Variants in EHHADH observed in about 807,000 individuals in gnomAD.
EHHADH encodes peroxisomal bifunctional enzyme.
Under a neutral mutation model 64.4 loss-of-function variants are expected in EHHADH, and 48 were observed. That is an observed-to-expected ratio of 0.75 (90% CI 0.59 to 0.95). EHHADH has a LOEUF of 0.95. Among genes scored for constraint, EHHADH ranks in the 40% least tolerant of loss-of-function variants. The pLI is 0.00. For synonymous variants in EHHADH, 308 were observed against 326.7 expected (o/e 0.94, Z 0.62); for missense variants, 854 against 876.6 (o/e 0.97, Z 0.33).
chr3:185,227,824 C>A (rs1051966074), intron 4 of EHHADH, among the ~76,000 whole-genome samples: 5 of 151,976 alleles, frequency 3.3e-5, no homozygotes, highest in Non-Finnish European at 7.4e-5. Context: ...AAAACTCCAT[C>A]TCAAGAAAGA....
Position 185,192,199 on chromosome 3 carries a change from A to G in EHHADH, c.*27T>C, listed in dbSNP as rs184173351. ...TCAGTCAGCATTACCTGATGCTAGC[A>G]TGTGAGGCATAATCTGGAAGACTGA... On this transcript the variant is annotated 3_prime_UTR_variant, in exon 7 of 7. Coordinates refer to ENST00000231887, the MANE Select transcript of EHHADH (RefSeq NM_001966.4). 2.5e-6 allele frequency: 4 copies of G among 1,591,556 alleles called. No homozygotes were observed. The East Asian group carries it at 6.7e-5, about 27-fold the overall frequency.
chr3:185,207,036 C>T (rs191457356), intron 5 of EHHADH, among the ~76,000 whole-genome samples: 2 of 152,174 alleles, frequency 1.3e-5, no homozygotes, highest in Middle Eastern at 3.4e-3. Flanking sequence ...GCCTGTAATT[C>T]CAGTACTCTG....
At chr3:185,196,274 C>T (rs141737351) in intron 6 of EHHADH, among the ~76,000 whole-genome samples, 401 of 152,108 alleles carry the variant, frequency 2.6e-3, no homozygotes, top group Admixed American at 4.3e-3. Flanking sequence ...TGCATTTATA[C>T]AATAAAAATA....
intron 6 of EHHADH, among the ~76,000 whole-genome samples, chr3:185,201,475 C>T (rs1047768363): frequency 3.3e-5 from 5 of 152,152 alleles, no homozygotes; most frequent in African/African-American, 7.2e-5. Context: ...GTGGGAGAAG[C>T]GGCAGCATTC....
intron 4 of EHHADH, among the ~76,000 whole-genome samples, chr3:185,227,874 T>C (rs1272598171): frequency 1.3e-5 from 2 of 151,924 alleles, no homozygotes; most frequent in East Asian, 3.9e-4. Context: ...CTAACAATTA[T>C]GGAGTGATCA....
chr3:185,248,613 C>T (rs1361655425), intron 1 of EHHADH, 96 bp from the exon 2 acceptor site: 4 of 807,302 alleles, frequency 5.0e-6, no homozygotes, highest in Non-Finnish European at 8.0e-6. Context: ...ATTAAACACA[C>T]ACATAATGGA....
At chr3:185,224,460 C>T (rs1352015752) in intron 4 of EHHADH, among the ~76,000 whole-genome samples, 1 of 138,848 alleles carries the variant, frequency 7.2e-6, no homozygotes, top group Non-Finnish European at 1.5e-5. Context: ...GAGATCGTGC[C>T]ACTGTACTCC....
intron 3 of EHHADH, among the ~76,000 whole-genome samples, chr3:185,232,140 A>T (rs1270344185): frequency 6.6e-6 from 1 of 152,166 alleles, no homozygotes; most frequent in East Asian, 1.9e-4. Context: ...ACTGCCATTT[A>T]CCCAGATCGT....
intron 3 of EHHADH, among the ~76,000 whole-genome samples, chr3:185,233,069 T>C (rs546904992): frequency 3.2e-4 from 49 of 152,336 alleles, no homozygotes; most frequent in African/African-American, 8.2e-4. Flanking sequence ...TGGGTAAATA[T>C]AAAAGACAGT....
intron 4 of EHHADH, among the ~76,000 whole-genome samples, chr3:185,225,256 C>A (rs1253409884): frequency 2.0e-5 from 3 of 152,122 alleles, no homozygotes; most frequent in African/African-American, 7.2e-5. Context: ...TCTTGTGATA[C>A]TTCCATAAAA....
In EHHADH at chr3:185,213,119, C is replaced by CAAAAAAAAAAAAAAAAAAAAAAAAA. The variant is rs550233979; in HGVS notation, c.568+4992_568+5016dup. ...TGGGTGAAGAAGCAAGACTCTGTCT[C>CAAAAAAAAAAAAAAAAAAAAAAAAA]AAAAAAAAAAAAAAAAAAAAAAAAA... is the stretch of plus-strand genomic sequence containing the variant. On this transcript the variant is annotated intron_variant, in intron 5 of 6. Transcript: ENST00000231887. 2.8e-4 allele frequency among the ~76,000 whole-genome samples: 12 copies of CAAAAAAAAAAAAAAAAAAAAAAAAA among 43,056 alleles called. 2 individuals carry two copies. The highest frequency in any genetic ancestry group is 4.8e-4 in the African/African-American group (6 of 12,482). The allele number at this position is 43,056 out of a possible 152,430, so 28.2% of individuals were successfully genotyped here.
chr3:185,197,650 T>C (rs920539352), intron 6 of EHHADH, among the ~76,000 whole-genome samples: 1 of 152,258 alleles, frequency 6.6e-6, no homozygotes, highest in Non-Finnish European at 1.5e-5. Context: ...GGCTGAATAA[T>C]ATTCCATTGT....
intron 6 of EHHADH, among the ~76,000 whole-genome samples, chr3:185,195,647 G>T (rs982710068): frequency 1.3e-5 from 2 of 152,178 alleles, no homozygotes; most frequent in African/African-American, 4.8e-5. Context: ...GCAGCTGGAG[G>T]CCATTATCCT....
intron 5 of EHHADH, among the ~76,000 whole-genome samples, chr3:185,217,017 C>T (rs564605465): frequency 5.5e-5 from 3 of 54,474 alleles, no homozygotes; most frequent in East Asian, 2.6e-4. Context: ...ACTCAGTTTG[C>T]GGAGACAGAA....
In EHHADH at chr3:185,204,598, T is replaced by C; in HGVS notation, c.728A>G (p.Tyr243Cys). 6.2e-7 allele frequency: 1 copy of C among 1,614,242 alleles called. No individual in the cohort carries two copies. The highest frequency in any genetic ancestry group is 8.5e-7 in the Non-Finnish European group (1 of 1,180,032). Residue 243 changes from tyrosine (Y) to cysteine (C), a missense_variant, in exon 6 of 7, where the codon TAT (tyrosine) becomes TGT (cysteine). Physicochemically the swap from Tyr to Cys is radical, Grantham distance 194. Transcript: ENST00000231887. ...CVRAVQAAVQ[Y>C]PYEVGIKKEE... ...CTTCTTGATGCCCACTTCATAGGGA[T>C]ACTGCACAGCAGCCTGGACTGCACG... is the stretch of plus-strand genomic sequence containing the variant.
chr3:185,238,417 ATAT>A (rs1156982556), intron 2 of EHHADH, among the ~76,000 whole-genome samples: 1 of 151,972 alleles, frequency 6.6e-6, no homozygotes, highest in African/African-American at 2.4e-5. Flanking sequence ...CCTTGCCAAC[ATAT>A]TGTTGTTTTA....
intron 6 of EHHADH, 44 bp downstream of exon 6, chr3:185,204,372 A>G (rs1374055158): frequency 2.0e-6 from 3 of 1,525,912 alleles, no homozygotes; most frequent in East Asian, 2.3e-5. Context: ...AGCACATTAC[A>G]TGAGCAGATT....
Position 185,228,257 on chromosome 3 carries a change from A to AAT in EHHADH, c.463+1173_463+1174dup, listed in dbSNP as rs1235531098. ...TCAAAAAAAAAAAAAAAAAAAAAAAAATATATATATATATATATATATGGA... is the reference window on the plus strand; with the variant it reads ...TCAAAAAAAAAAAAAAAAAAAAAAAAATATATATATATATATATATATATGGA... On this transcript the variant is annotated intron_variant, in intron 4 of 6. Transcript: ENST00000231887. 7.2e-3 allele frequency among the ~76,000 whole-genome samples: 158 copies of AAT among 21,980 alleles called. 4 individuals carry two copies. The highest frequency in any genetic ancestry group is 0.11 in the Middle Eastern group (2 of 18). 14.4% of individuals were successfully genotyped at this position (21,980 alleles called of 152,430 possible). A position where few individuals can be genotyped will look rare whatever the true frequency, so the allele number is the denominator to read the frequency against.
intron 6 of EHHADH, among the ~76,000 whole-genome samples, chr3:185,202,495 T>G (rs1427544945): frequency 1.3e-5 from 2 of 152,190 alleles, no homozygotes; most frequent in Non-Finnish European, 2.9e-5. Context: ...AGTGAGATCT[T>G]TGCCTCCAAG....
Sources: gnomAD v4.1 joint callset for allele counts (sites outside exome capture counted in the v4.1 genomes callset) on GRCh38, gnomAD v4.1.1 for gene constraint, MANE v1.5 for transcripts, NCBI Gene and HGNC (gene_info 2026-07-23, HGNC 2026-07-21) for gene names.